Variants in ITPKA observed in about 807,000 individuals in gnomAD.
ITPKA encodes inositol-trisphosphate 3-kinase A, also known as IP3 3-kinase A.
In ITPKA, 16 loss-of-function variants were observed where a neutral mutation model predicts 40.7. The observed-to-expected ratio is 0.39, with a 90% CI of 0.27 to 0.60. The LOEUF is 0.60. Ranked by LOEUF, ITPKA falls within the 20% of genes least tolerant of loss-of-function variation. The pLI, the probability that ITPKA is intolerant of heterozygous loss-of-function variation, is 0.50. For missense variants in ITPKA, 540 were observed against 649.3 expected (o/e 0.83, Z 1.83); for synonymous variants, 313 against 289.9 (o/e 1.08, Z -0.81).
chr15:41,502,352 C>G (rs757587469), intron 4 of ITPKA, 50 bp from the exon 5 acceptor site: 7 of 1,439,776 alleles, frequency 4.9e-6, no homozygotes, highest in Non-Finnish European at 6.8e-6. Context: ...ACGCTGTCCT[C>G]TTCCCCACTG....
intron 1 of ITPKA, among the ~76,000 whole-genome samples, chr15:41,500,615 G>C (rs1024014906): frequency 1.3e-5 from 2 of 152,214 alleles, no homozygotes; most frequent in African/African-American, 4.8e-5. Context: ...CAGCAACCCA[G>C]TAAGGATAGT....
chr15:41,500,315 C>A (rs961009903), intron 1 of ITPKA, among the ~76,000 whole-genome samples: 1 of 152,206 alleles, frequency 6.6e-6, no homozygotes, highest in Non-Finnish European at 1.5e-5. Flanking sequence ...CCAAGGGTGC[C>A]CTGGGCCTTG....
Position 41,494,501 on chromosome 15 carries a change from G to T in ITPKA, c.489+85G>T. ...GGGTGCTCCCGGAGGACCCGCTCCTGTCCATGCTCCCTCCAGCGGAAGGTC... is the reference window on the plus strand; with the variant it reads ...GGGTGCTCCCGGAGGACCCGCTCCTTTCCATGCTCCCTCCAGCGGAAGGTC... On this transcript the variant is annotated intron_variant, in intron 1 of 6. Coordinates refer to ENST00000260386, the MANE Select transcript of ITPKA (RefSeq NM_002220.3). The surrounding 1 kb of genome is among the most constrained non-coding windows in gnomAD (Gnocchi z 7.8). 1 of 918,302 alleles carries T rather than the reference G, an allele frequency of 1.1e-6. No individual in the cohort carries two copies. The highest frequency in any genetic ancestry group is 1.5e-6 in the Non-Finnish European group (1 of 656,194). The allele number at this position is 918,302 out of a possible 1,614,324, so 56.9% of individuals were successfully genotyped here. A position where few individuals can be genotyped will look rare whatever the true frequency, so the allele number is the denominator to read the frequency against.
rs2140670152 is a variant in ITPKA, at chr15:41,494,103, C to A, written c.176C>A (p.Ala59Asp). ...GCGGGGGAGCCCCGGGCCCGCGGGG[C>A]CAAGCGGCGTGGGGGACAGGTCCCC... ...AAAGEPRARG[A>D]KRRGGQVPNG... Residue 59 changes from alanine to aspartate, a missense_variant, in exon 1 of 7, where the codon GCC becomes GAC. Physicochemically the swap from Ala to Asp is moderately radical, Grantham distance 126. Coordinates refer to ENST00000260386, the MANE Select transcript of ITPKA (RefSeq NM_002220.3). The surrounding 1 kb of genome is among the most constrained non-coding windows in gnomAD (Gnocchi z 7.8). 7.6e-7 allele frequency: 1 copy of A among 1,315,322 alleles called. No homozygotes were observed. Among genetic ancestry groups the A allele is most frequent in the South Asian group, 2.1e-5 (1 of 48,406 alleles). 81.5% of individuals were successfully genotyped at this position (1,315,322 alleles called of 1,614,324 possible).
intron 3 of ITPKA, 50 bp from the exon 4 acceptor site, chr15:41,501,947 G>A (rs759590173): frequency 1.9e-6 from 3 of 1,594,278 alleles, no homozygotes; most frequent in Non-Finnish European, 1.7e-6. Context: ...GCTCGAAGGG[G>A]TCTCCGTGTG....
chr15:41,501,798 C>T lies in ITPKA; in HGVS notation c.750C>T (p.Asp250=), dbSNP rs2051112917. The T allele has an allele frequency of 5.0e-6, 8 of 1,613,354 alleles. No individual in the cohort carries two copies. In the South Asian group the frequency reaches 7.7e-5, roughly 15 times the overall value. Residue 250 remains aspartate (D), a synonymous_variant, in exon 3 of 7, where the codon GAC becomes GAT. Transcript: ENST00000260386. ...RDGESYLQLQ[D]LLDGFDGPCV... ...GCGAAAGCTACCTGCAGCTGCAGGACCTGCTCGATGGCTTCGACGGACCTT... is the reference window on the plus strand; with the variant it reads ...GCGAAAGCTACCTGCAGCTGCAGGATCTGCTCGATGGCTTCGACGGACCTT...
At position 41,502,508 on chromosome 15, in the gene ITPKA, G is replaced by C; in HGVS notation, c.1110+5G>C. The C allele has an allele frequency of 1.3e-6, 2 of 1,531,750 alleles. No homozygotes were observed. Among genetic ancestry groups the C allele is most frequent in the Non-Finnish European group, 1.8e-6 (2 of 1,106,482 alleles). 94.9% of individuals were successfully genotyped at this position (1,531,750 alleles called of 1,614,324 possible). On this transcript the variant is annotated splice_donor_5th_base_variant and intron_variant, in intron 5 of 6. Transcript: ENST00000260386. The stretch of plus-strand genomic sequence containing the variant: ...CAAGGAGATGAGGAAGTGCTGGTGA[G>C]AGCGGGATCCCAAACCCTGAGGTGT...
At chr15:41,496,840 C>CGA (rs2051075914) in intron 1 of ITPKA, among the ~76,000 whole-genome samples, 6 of 152,180 alleles carry the variant, frequency 3.9e-5, no homozygotes, top group Admixed American at 3.9e-4. Context: ...TAAATTTAAA[C>CGA]TGATTGCTCT....
At chr15:41,501,043 C>T (rs1338038624) in intron 1 of ITPKA, among the ~76,000 whole-genome samples, 1 of 145,734 alleles carries the variant, frequency 6.9e-6, no homozygotes, top group Non-Finnish European at 1.5e-5. Context: ...AATGGCCCTA[C>T]TCTAGACCAA....
intron 1 of ITPKA, among the ~76,000 whole-genome samples, chr15:41,495,505 C>T (rs1328617253): frequency 6.6e-6 from 1 of 152,180 alleles, no homozygotes; most frequent in Non-Finnish European, 1.5e-5. Flanking sequence ...GCCCGGAGGC[C>T]GATGGGGTTT....
In ITPKA at chr15:41,502,289, C is replaced by T. The variant is rs1419774398; in HGVS notation, c.1008+88C>T. ...CCCGCTCCCGCCCCGCCTGCCCCTC[C>T]GCCCTCTCCCACCGCCTCGCCGTCC... On this transcript the variant is annotated intron_variant, in intron 4 of 6. Transcript: ENST00000260386. 9.1e-6 allele frequency: 12 copies of T among 1,312,946 alleles called. No homozygotes were observed. In the Admixed American group the frequency reaches 1.3e-4, roughly 14 times the overall value. 81.3% of individuals were successfully genotyped at this position (1,312,946 alleles called of 1,614,324 possible). A position where few individuals can be genotyped will look rare whatever the true frequency, so the allele number is the denominator to read the frequency against.
chr15:41,499,039 T>G (rs1284466929), intron 1 of ITPKA, among the ~76,000 whole-genome samples: 1 of 152,218 alleles, frequency 6.6e-6, no homozygotes, highest in Non-Finnish European at 1.5e-5. Context: ...GCATTCATTA[T>G]GGCTCTCAAA....
In ITPKA at chr15:41,502,315, C is replaced by T. The variant is rs2051121082; in HGVS notation, c.1009-87C>T. 18 of 1,395,996 alleles carry T rather than the reference C, an allele frequency of 1.3e-5. No individual in the cohort carries two copies. In the South Asian group the frequency reaches 1.9e-4, roughly 15 times the overall value. The allele number at this position is 1,395,996 out of a possible 1,614,324, so 86.5% of individuals were successfully genotyped here. ...GCCCTCTCCCACCGCCTCGCCGTCC[C>T]CTGCAACTGGGAGGTACCGCTGCTC... On this transcript the variant is annotated intron_variant, in intron 4 of 6. Transcript: ENST00000260386.
intron 1 of ITPKA, among the ~76,000 whole-genome samples, chr15:41,495,626 G>C (rs2051065494): frequency 6.6e-6 from 1 of 152,234 alleles, no homozygotes; most frequent in Non-Finnish European, 1.5e-5. Flanking sequence ...CTTCCCCGGT[G>C]GTCAGAGCAG....
chr15:41,498,950 G>A (rs2051092020), intron 1 of ITPKA, among the ~76,000 whole-genome samples: 1 of 152,154 alleles, frequency 6.6e-6, no homozygotes, highest in African/African-American at 2.4e-5. Flanking sequence ...CTGGAGGCAG[G>A]GCATGAGGGG....
Position 41,501,625 on chromosome 15 carries a change from C to T in ITPKA, c.587-10C>T, listed in dbSNP as rs374531611. 2.2e-4 allele frequency: 345 copies of T among 1,600,896 alleles called. 2 individuals carry two copies. Among genetic ancestry groups the T allele is most frequent in the Admixed American group, 9.3e-4 (55 of 58,918 alleles). On this transcript the variant is annotated splice_polypyrimidine_tract_variant and intron_variant, in intron 2 of 6. Coordinates refer to ENST00000260386, the MANE Select transcript of ITPKA (RefSeq NM_002220.3). ...GGGGCTGGGCGGCGCTGACGGATGC[C>T]GGTCCTCAGGGAGTTTTAAGGCGGC...
At position 41,503,274 on chromosome 15, in the gene ITPKA, C is replaced by A; in HGVS notation, c.*108C>A. On this transcript the variant is annotated 3_prime_UTR_variant, in exon 7 of 7. Coordinates refer to ENST00000260386, the MANE Select transcript of ITPKA (RefSeq NM_002220.3). ...TGGAGCCCCGCGGTGCAGGGCAGTT[C>A]ACCGGGTCCTGCAGGACCAGGTGCC... 2 of 831,460 alleles carry A rather than the reference C, an allele frequency of 2.4e-6. No individual in the cohort carries two copies. Among genetic ancestry groups the A allele is most frequent in the South Asian group, 1.8e-5 (1 of 55,196 alleles). The allele number at this position is 831,460 out of a possible 1,614,324, so 51.5% of individuals were successfully genotyped here.
intron 1 of ITPKA, among the ~76,000 whole-genome samples, chr15:41,501,008 GAAAAAA>G (rs11366854): frequency 3.8e-4 from 22 of 58,168 alleles, no homozygotes; most frequent in African/African-American, 9.7e-4. Flanking sequence ...GACTCCATCT[GAAAAAA>G]AAAAAAAAAA....
At chr15:41,497,004 G>A (rs558082283) in intron 1 of ITPKA, among the ~76,000 whole-genome samples, 1 of 152,088 alleles carries the variant, frequency 6.6e-6, no homozygotes, top group Non-Finnish European at 1.5e-5. Flanking sequence ...CCCACCTGCT[G>A]GTCTGCTCCA....
Sources: gnomAD v4.1 joint callset for allele counts (sites outside exome capture counted in the v4.1 genomes callset) on GRCh38, gnomAD v4.1.1 for gene constraint, Gnocchi (gnomAD v3.1) non-coding constraint, MANE v1.5 for transcripts, NCBI Gene and HGNC (gene_info 2026-07-23, HGNC 2026-07-21) for gene names.